The following GPX6 variants were observed in gnomAD, a reference collection of about 807,000 sequenced individuals.
GPX6 encodes the protein glutathione peroxidase 6, also known as glutathione peroxidase 6 (olfactory).
A neutral mutation model predicts 20.0 loss-of-function variants in GPX6; 21 were observed. That is an observed-to-expected ratio of 1.05 (90% confidence interval 0.74 to 1.51). The LOEUF (loss-of-function observed/expected upper bound fraction) is 1.51. Ranked by LOEUF, GPX6 falls within the 40% of genes most tolerant of loss-of-function variation. The pLI is 0.00. For missense variants in GPX6, 233 were observed against 254.7 expected (o/e 0.91, Z 0.58); for synonymous variants, 75 against 98.0 (o/e 0.77, Z 1.38).
At chr6:28,513,165 C>G (rs1373766205) in intron 1 of GPX6, among the ~76,000 whole-genome samples, 1 of 152,168 alleles carries the variant, frequency 6.6e-6, no homozygotes, top group African/African-American at 2.4e-5. Flanking sequence ...TTAATAAAAC[C>G]TTGCACTTAT....
intron 1 of GPX6, among the ~76,000 whole-genome samples, chr6:28,514,457 C>G (rs1000085202): frequency 2.0e-5 from 3 of 152,208 alleles, no homozygotes; most frequent in African/African-American, 7.2e-5. Context: ...TGACATAGAT[C>G]TGATGACCCT....
At chr6:28,506,587 A>T (rs1015830203) in intron 2 of GPX6, among the ~76,000 whole-genome samples, 158 bp from the exon 3 acceptor site, 3 of 152,048 alleles carry the variant, frequency 2.0e-5, no homozygotes, top group Non-Finnish European at 4.4e-5. Flanking sequence ...AGAAAAAAAA[A>T]AAAGACTAGA....
At position 28,515,667 on chromosome 6, in the gene GPX6, T is replaced by G. The variant is rs199611213; in HGVS notation, c.77A>C (p.Gln26Pro). 238 of 1,613,632 alleles carry G rather than the reference T, an allele frequency of 1.5e-4. No homozygotes were observed. Among genetic ancestry groups the G allele is most frequent in the Admixed American group, 2.0e-4 (12 of 60,002 alleles). The change falls in exon 1 of 5, where the codon CAA (glutamine) becomes CCA (proline). Residue 26 changes from glutamine (Q) to proline (P), a missense_variant. Coordinates refer to ENST00000361902, the MANE Select transcript of GPX6 (RefSeq NM_182701.1). ...CTGCCCCATGCTCACCTTCCTATTT[T>G]GAGGCTTTAGGGTCTGCTGAGCAAA... Reference protein sequence around the residue: ...VGFAQQTLKPQNRKVDCNKGV... With the variant: ...VGFAQQTLKPPNRKVDCNKGV...
intron 2 of GPX6, among the ~76,000 whole-genome samples, chr6:28,508,141 C>A (rs1267327030): frequency 6.6e-6 from 1 of 151,876 alleles, no homozygotes; most frequent in South Asian, 2.1e-4. Context: ...AAGTATATTG[C>A]CTATTCAATA....
rs1762782433 is a variant in GPX6, at chr6:28,504,104, A to G, written c.*188T>C. 1.7e-6 allele frequency: 1 copy of G among 596,494 alleles called. No homozygotes were observed. The highest frequency in any genetic ancestry group is 3.0e-6 in the Non-Finnish European group (1 of 333,810). 37.0% of individuals were successfully genotyped at this position (596,494 alleles called of 1,614,324 possible). ...AATACAATTCTACATATCCATACAC[A>G]CACACACACACACACACACAGCTAC... On this transcript the variant is annotated 3_prime_UTR_variant, in exon 5 of 5. Coordinates refer to ENST00000361902, the MANE Select transcript of GPX6 (RefSeq NM_182701.1).
rs560554291 is a variant in GPX6, at chr6:28,513,704, G to A, written c.87+1953C>T. Among the ~76,000 whole-genome samples the A allele has an allele frequency of 7.5e-4, 92 of 122,638 alleles. 1 individual carries two copies. The highest frequency in any genetic ancestry group is 1.8e-4 in the Non-Finnish European group (11 of 61,350). The allele number at this position is 122,638 out of a possible 152,430, so 80.5% of individuals were successfully genotyped here. On this transcript the variant is annotated intron_variant, in intron 1 of 4. Coordinates refer to ENST00000361902, the MANE Select transcript of GPX6 (RefSeq NM_182701.1). ...GGCTAACATGTTATGTGGTAAGAGA[G>A]GCTATAAGTCCTGGCCATATGAAGA...
At chr6:28,512,268 G>A (rs556949809) in intron 1 of GPX6, among the ~76,000 whole-genome samples, 1 of 152,202 alleles carries the variant, frequency 6.6e-6, no homozygotes, top group South Asian at 2.1e-4. Flanking sequence ...GGTGGGGACT[G>A]GGAGAACCTT....
Position 28,504,207 on chromosome 6 carries a change from C to A in GPX6, c.*85G>T. 5.8e-6 allele frequency: 8 copies of A among 1,378,322 alleles called. No homozygotes were observed. The highest frequency in any genetic ancestry group is 5.1e-6 in the Non-Finnish European group (5 of 979,936). The allele number at this position is 1,378,322 out of a possible 1,614,324, so 85.4% of individuals were successfully genotyped here. Reference sequence around the variant, plus strand: ...AGGCTGGGTAGGCACGAGTGTGGAGCAAAGAAGGAGGAAGATGGATGCTTT... The same window carrying A: ...AGGCTGGGTAGGCACGAGTGTGGAGAAAAGAAGGAGGAAGATGGATGCTTT... On this transcript the variant is annotated 3_prime_UTR_variant, in exon 5 of 5. Transcript: ENST00000361902.
chr6:28,511,945 GC>G (rs1217343423), intron 1 of GPX6, among the ~76,000 whole-genome samples: 4 of 151,426 alleles, frequency 2.6e-5, no homozygotes, highest in African/African-American at 9.6e-5. Flanking sequence ...CGGCCAGCCG[GC>G]CCCGGGCACT....
chr6:28,506,481 A>C, intron 2 of GPX6, 52 bp from the exon 3 acceptor site: 7 of 943,214 alleles, frequency 7.4e-6, no homozygotes, highest in Non-Finnish European at 1.2e-5. Flanking sequence ...GGCCTACCTC[A>C]AGCAGTGAAA....
intron 2 of GPX6, 62 bp from the exon 3 acceptor site, chr6:28,506,491 A>G (rs1166715520): frequency 8.0e-6 from 7 of 876,784 alleles, no homozygotes; most frequent in African/African-American, 1.6e-5. Context: ...AAGCAGTGAA[A>G]GATCACTGAA....
rs1284859726 is a variant in GPX6, at chr6:28,504,505, CAGAGATATAGAAAGT to C, written c.460-22_460-8del. 1 of 1,612,410 alleles carries C rather than the reference CAGAGATATAGAAAGT, an allele frequency of 6.2e-7. No individual in the cohort carries two copies. Among genetic ancestry groups the C allele is most frequent in the South Asian group, 1.1e-5 (1 of 91,012 alleles). On this transcript the variant is annotated splice_region_variant and splice_polypyrimidine_tract_variant and intron_variant, in intron 4 of 4. Coordinates refer to ENST00000361902, the MANE Select transcript of GPX6 (RefSeq NM_182701.1). ...AGGTCGGAGGGCAGGAGTTCTGGAG[CAGAGATATAGAAAGT>C]AGAGATATACATTTATTTCTACTTT...
chr6:28,513,369 A>G (rs1432897999), intron 1 of GPX6, among the ~76,000 whole-genome samples: 1 of 152,098 alleles, frequency 6.6e-6, no homozygotes, highest in African/African-American at 2.4e-5. Context: ...ACTCCTAGAC[A>G]CTGCCTTAAG....
rs541209143 is a variant in GPX6, at chr6:28,511,412, G to C, written c.88-508C>G. ...CCAATGGGGTAATCACTGGTGATGG[G>C]GGAGGGGCGGCCGGGAAGTGCTGGG... On this transcript the variant is annotated intron_variant, in intron 1 of 4. Coordinates refer to ENST00000361902, the MANE Select transcript of GPX6 (RefSeq NM_182701.1). Among the ~76,000 whole-genome samples the C allele has an allele frequency of 6.4e-4, 98 of 152,350 alleles. 2 individuals carry two copies. In the South Asian group the frequency reaches 0.018, roughly 29 times the overall value.
chr6:28,508,133 G>A (rs1762824391), intron 2 of GPX6, among the ~76,000 whole-genome samples: 1 of 152,154 alleles, frequency 6.6e-6, no homozygotes, highest in Non-Finnish European at 1.5e-5. Flanking sequence ...AATGTTGGAA[G>A]TATATTGCCT....
At chr6:28,511,778 A>G (rs1762880960) in intron 1 of GPX6, among the ~76,000 whole-genome samples, 1 of 152,320 alleles carries the variant, frequency 6.6e-6, no homozygotes, top group South Asian at 2.1e-4. Context: ...GCACTGTGGG[A>G]GCCCCCTTCT....
intron 3 of GPX6, 27 bp downstream of exon 3, chr6:28,506,285 T>G (rs1292567634): frequency 3.0e-6 from 4 of 1,340,002 alleles, no homozygotes; most frequent in Non-Finnish European, 4.3e-6. Context: ...CGACAGGGCA[T>G]CTGCAGGGTC....
intron 1 of GPX6, among the ~76,000 whole-genome samples, chr6:28,511,576 C>G (rs1305142695): frequency 6.6e-6 from 1 of 152,278 alleles, no homozygotes; most frequent in South Asian, 2.1e-4. Flanking sequence ...GCCAGAGGCA[C>G]TGGCGCTGGA....
chr6:28,510,860 T>G lies in GPX6; in HGVS notation c.132A>C (p.Gly44=). The G allele has an allele frequency of 1.9e-6, 3 of 1,613,850 alleles. No individual in the cohort carries two copies. The highest frequency in any genetic ancestry group is 2.5e-6 in the Non-Finnish European group (3 of 1,179,736). ...ACTCCTCGCCGTTGAGGGTGAGGGC[T>G]CCATACTCATAGATGGTGCCTGTTA... ...KGVTGTIYEY[G]ALTLNGEEYI... is the part of the protein sequence containing the mutation. The change falls in exon 2 of 5, where the codon GGA becomes GGC. Residue 44 remains glycine (G), a synonymous_variant. Coordinates refer to ENST00000361902, the MANE Select transcript of GPX6 (RefSeq NM_182701.1).
Sources: gnomAD v4.1 joint callset for allele counts (sites outside exome capture counted in the v4.1 genomes callset) on GRCh38, gnomAD v4.1.1 for gene constraint, MANE v1.5 for transcripts, NCBI Gene and HGNC (gene_info 2026-07-23, HGNC 2026-07-21) for gene names.